ROBO2: variants seen among roughly 807,000 people sequenced by gnomAD.
ROBO2 encodes the protein roundabout homolog 2.
Under a neutral mutation model 160.8 loss-of-function variants are expected in ROBO2, and 53 were observed. The ratio of observed to expected loss-of-function variants is 0.33; its 90% confidence interval spans 0.26 to 0.41. ROBO2 has a LOEUF of 0.41. Among genes scored for constraint, ROBO2 ranks in the 10% least tolerant of loss-of-function variants. The pLI is 1.00. For missense variants in ROBO2, 1,577 were observed against 1,722.4 expected (o/e 0.92, Z 1.49); for synonymous variants, 664 against 611.7 (o/e 1.09, Z -1.26).
chr3:76,553,739 C>T (rs1204959226), intron 2 of ROBO2, among the ~76,000 whole-genome samples: 2 of 152,114 alleles, frequency 1.3e-5, no homozygotes, highest in Non-Finnish European at 2.9e-5. Flanking sequence ...GGGTATTTAT[C>T]ATGTTCATAA....
chr3:77,636,888 A>T (rs6792016), intron 24 of ROBO2, among the ~76,000 whole-genome samples: 110,757 of 152,166 alleles, frequency 0.73, 40,495 homozygotes, highest in East Asian at 0.83. Context: ...AATTCTTATA[A>T]CTTTTAAAGA....
At chr3:76,404,935 T>C (rs922526604) in intron 2 of ROBO2, among the ~76,000 whole-genome samples, 2 of 151,686 alleles carry the variant, frequency 1.3e-5, no homozygotes, top group African/African-American at 4.8e-5. Flanking sequence ...AGTACTTACA[T>C]ATAATAAGGC....
chr3:76,091,448 G>A (rs1196730328), intron 2 of ROBO2, among the ~76,000 whole-genome samples: 1 of 152,166 alleles, frequency 6.6e-6, no homozygotes, highest in Non-Finnish European at 1.5e-5. Flanking sequence ...AGGATGGGGA[G>A]CAACAGGACC....
rs997572976 is a variant in ROBO2, at chr3:76,943,482, G to A, written c.110-154532G>A. The stretch of plus-strand genomic sequence containing the variant: ...TGAACTTTTGAATTAGTTCTTTGAA[G>A]AAGGCAGAAAAATACATGTTTCTGT... On this transcript the variant is annotated intron_variant, in intron 2 of 26. Transcript: ENST00000487694. Among the ~76,000 whole-genome samples the A allele has an allele frequency of 2.0e-4, 30 of 152,160 alleles. 1 individual carries two copies.
chr3:77,168,837 C>G (rs1208371212), intron 2 of ROBO2, among the ~76,000 whole-genome samples: 2 of 152,188 alleles, frequency 1.3e-5, no homozygotes, highest in Non-Finnish European at 2.9e-5. Context: ...GAATTCCAGT[C>G]TACCTCAGGG....
intron 1 of ROBO2, among the ~76,000 whole-genome samples, chr3:75,928,802 T>C (rs949107194): frequency 6.6e-6 from 1 of 151,218 alleles, no homozygotes; most frequent in South Asian, 2.1e-4. Context: ...CTGATGATTA[T>C]ACAATGATCT....
chr3:75,914,871 A>C (rs1287313873), intron 1 of ROBO2, among the ~76,000 whole-genome samples: 1 of 152,178 alleles, frequency 6.6e-6, no homozygotes. Context: ...CCGAGTTTTC[A>C]GCAACCATAA....
At chr3:76,798,365 A>G (rs1025844588) in intron 2 of ROBO2, among the ~76,000 whole-genome samples, 10 of 152,166 alleles carry the variant, frequency 6.6e-5, no homozygotes, top group African/African-American at 2.4e-4. Context: ...ATTTATGCAA[A>G]AATCCTCAAC....
chr3:76,642,808 C>A (rs761790214), intron 2 of ROBO2, among the ~76,000 whole-genome samples: 2 of 152,014 alleles, frequency 1.3e-5, no homozygotes. Flanking sequence ...ATACGTAAAA[C>A]CATGAAATAT....
chr3:77,483,296 C>T (rs1266220594), intron 4 of ROBO2, among the ~76,000 whole-genome samples: 2 of 151,878 alleles, frequency 1.3e-5, no homozygotes, highest in African/African-American at 2.4e-5. Context: ...TGGTCCAAAT[C>T]AAGGATGTGA....
intron 2 of ROBO2, among the ~76,000 whole-genome samples, chr3:76,327,664 TG>T (rs34139725): frequency 0.054 from 8,203 of 152,264 alleles, 229 homozygotes; most frequent in African/African-American, 0.07. Context: ...TAAATATCAT[TG>T]GCATCATTTC....
upstream of ROBO2, among the ~76,000 whole-genome samples, chr3:77,038,531 G>T (rs1299990135): frequency 6.6e-6 from 1 of 152,118 alleles, no homozygotes; most frequent in Non-Finnish European, 1.5e-5. Context: ...CTCTTCCTCA[G>T]ACGGCCCCTT....
At chr3:76,387,790 A>G (rs2108614465) in intron 2 of ROBO2, among the ~76,000 whole-genome samples, 1 of 152,300 alleles carries the variant, frequency 6.6e-6, no homozygotes, top group South Asian at 2.1e-4. Flanking sequence ...GGTTTTGGAG[A>G]TGACAAATGA....
At chr3:75,962,554 T>C (rs1406935668) in intron 2 of ROBO2, among the ~76,000 whole-genome samples, 2 of 151,832 alleles carry the variant, frequency 1.3e-5, no homozygotes, top group African/African-American at 4.8e-5. Context: ...TGTGTATATC[T>C]GTTATTTCAA....
chr3:77,349,828 A>G (rs1581242696), intron 2 of ROBO2, among the ~76,000 whole-genome samples: 2 of 152,136 alleles, frequency 1.3e-5, no homozygotes, highest in Non-Finnish European at 2.9e-5. Flanking sequence ...TTATATTGCA[A>G]TCGTGATCAC....
intron 2 of ROBO2, among the ~76,000 whole-genome samples, chr3:76,802,315 T>C (rs1487158342): frequency 2.6e-5 from 4 of 152,208 alleles, no homozygotes; most frequent in African/African-American, 9.7e-5. Flanking sequence ...AGGAAATGAT[T>C]ATTCTGAATA....
intron 2 of ROBO2, among the ~76,000 whole-genome samples, chr3:76,760,064 A>T (rs1204937065): frequency 6.6e-6 from 1 of 151,784 alleles, no homozygotes; most frequent in African/African-American, 2.4e-5. Context: ...AGGAAGTGGT[A>T]TGTGAAGCAA....
intron 2 of ROBO2, among the ~76,000 whole-genome samples, chr3:76,925,187 G>A (rs1004637384): frequency 2.1e-4 from 30 of 141,738 alleles, no homozygotes; most frequent in Admixed American, 7.3e-4. Context: ...CTCCAGCCTG[G>A]GCGACAGAGC....
At chr3:77,377,132 C>T (rs1473140179) in intron 2 of ROBO2, among the ~76,000 whole-genome samples, 13 of 152,022 alleles carry the variant, frequency 8.6e-5, no homozygotes, top group Non-Finnish European at 1.6e-4. Context: ...AAATTTATAT[C>T]TTCAGTCTAT....
Sources: gnomAD v4.1 joint callset for allele counts (sites outside exome capture counted in the v4.1 genomes callset) on GRCh38, gnomAD v4.1.1 for gene constraint, MANE v1.5 for transcripts, NCBI Gene and HGNC (gene_info 2026-07-23, HGNC 2026-07-21) for gene names.